The following SLC2A5 variants were observed in gnomAD, a reference collection of about 807,000 sequenced individuals.
SLC2A5 encodes solute carrier family 2 member 5, also known as solute carrier family 2, facilitated glucose transporter member 5.
SLC2A5 carries 56 observed loss-of-function variants against 50.3 expected under a neutral mutation model. The observed-to-expected ratio is 1.11, with a 90% CI of 0.90 to 1.39. SLC2A5 has a LOEUF of 1.39. Among genes scored for constraint, SLC2A5 ranks in the 40% most tolerant of loss-of-function variants. SLC2A5 has a pLI of 0.00. For missense variants in SLC2A5, 566 were observed against 650.1 expected (o/e 0.87, Z 1.41); for synonymous variants, 269 against 281.9 (o/e 0.95, Z 0.46).
At chr1:9,080,185 A>C (rs1642336987) in intron 2 of SLC2A5, among the ~76,000 whole-genome samples, 1 of 152,202 alleles carries the variant, frequency 6.6e-6, no homozygotes, top group African/African-American at 2.4e-5. Flanking sequence ...TGCACACACC[A>C]CATCTGGTTT....
At chr1:9,089,771 G>A (rs1439186054), upstream of SLC2A5, among the ~76,000 whole-genome samples, 1 of 152,156 alleles carries the variant, frequency 6.6e-6, no homozygotes, top group African/African-American at 2.4e-5. Flanking sequence ...CCCCCAATGG[G>A]AACACCTTCC....
chr1:9,057,311 A>T, intron 3 of SLC2A5, 137 bp downstream of exon 3: 3 of 471,230 alleles, frequency 6.4e-6, no homozygotes, highest in South Asian at 7.3e-5. Flanking sequence ...AAAAAAAAAA[A>T]AAAAGAAAGA....
At chr1:9,061,449 T>A (rs576338736) in intron 1 of SLC2A5, among the ~76,000 whole-genome samples, 4 of 147,596 alleles carry the variant, frequency 2.7e-5, no homozygotes, top group South Asian at 2.2e-4. Flanking sequence ...CCAAAAAAAT[T>A]TTAAAAATTA....
upstream of SLC2A5, among the ~76,000 whole-genome samples, chr1:9,074,423 C>G (rs150568973): frequency 4.4e-4 from 67 of 152,212 alleles, no homozygotes; most frequent in African/African-American, 1.4e-3. Flanking sequence ...TGGTAACCTA[C>G]ATGTTACAAG....
At chr1:9,051,197 GAGA>G (rs1307940787) in intron 3 of SLC2A5, among the ~76,000 whole-genome samples, 2 of 149,430 alleles carry the variant, frequency 1.3e-5, no homozygotes, top group African/African-American at 4.9e-5. Context: ...GAAAGAAAAA[GAGA>G]AGAAGGAAGG....
rs1180780056 is a variant in SLC2A5, at chr1:9,041,898, A to G, written c.458T>C (p.Leu153Pro). ...SNVVPMYLGE[L>P]APKNLRGALG... ...AGCCCCCCGCAGGTTTTTAGGGGCC[A>G]GCTCCCCTAAGTACATGGGGACCAC... The change falls in exon 5 of 12, where the codon CTG (leucine) becomes CCG (proline). Residue 153 changes from leucine (L) to proline (P), a missense_variant. By Grantham distance (98) the Leu-to-Pro change is moderately conservative. Coordinates refer to ENST00000377424, the MANE Select transcript of SLC2A5 (RefSeq NM_003039.3). 2 of 1,613,738 alleles carry G rather than the reference A, an allele frequency of 1.2e-6. No individual in the cohort carries two copies. The highest frequency in any genetic ancestry group is 2.2e-5 in the South Asian group (2 of 91,046).
At chr1:9,062,408 G>A (rs1167347901) in intron 1 of SLC2A5, among the ~76,000 whole-genome samples, 2 of 152,184 alleles carry the variant, frequency 1.3e-5, no homozygotes, top group Non-Finnish European at 2.9e-5. Context: ...GCGGAGCTCA[G>A]AACCTTTGAG....
rs1004168236 is a variant in SLC2A5, at chr1:9,037,146, G to T, written c.*440C>A. On this transcript the variant is annotated 3_prime_UTR_variant, in exon 12 of 12. Coordinates refer to ENST00000377424, the MANE Select transcript of SLC2A5 (RefSeq NM_003039.3). ...AGGATCTGGTAAGAGGATGAATTTG[G>T]CTCTAAACAAATGCCCATGGCCCCG... 8 of 194,124 alleles carry T rather than the reference G, an allele frequency of 4.1e-5. No homozygotes were observed. Among genetic ancestry groups the T allele is most frequent in the Admixed American group, 2.2e-4 (4 of 18,512 alleles). 12.0% of individuals were successfully genotyped at this position (194,124 alleles called of 1,614,324 possible).
chr1:9,059,582 T>A, intron 1 of SLC2A5, among the ~76,000 whole-genome samples: 1 of 130,640 alleles, frequency 7.7e-6, no homozygotes. Flanking sequence ...CTGGCTGGAG[T>A]GCTGTGGTGC....
At chr1:9,049,319 G>C in intron 3 of SLC2A5, 1 of 392,346 alleles carries the variant, frequency 2.5e-6, no homozygotes, top group Non-Finnish European at 5.1e-6. Flanking sequence ...AAAATGATTA[G>C]TGTCATAAAA....
In SLC2A5 at chr1:9,040,362, G is replaced by T; in HGVS notation, c.572-173C>A. ...GACGGTGGACACTCGGGAAACACCT[G>T]CAGCAGGGATCAGCAGCGACGCACC... On this transcript the variant is annotated intron_variant, in intron 5 of 11. Transcript: ENST00000377424. This position sits in a 1 kb window ranked among gnomAD's most constrained non-coding sequence, Gnocchi z 4.3. 1 of 760,462 alleles carries T rather than the reference G, an allele frequency of 1.3e-6. No individual in the cohort carries two copies. Among genetic ancestry groups the T allele is most frequent in the Non-Finnish European group, 2.1e-6 (1 of 484,706 alleles). The allele number at this position is 760,462 out of a possible 1,614,324, so 47.1% of individuals were successfully genotyped here.
chr1:9,083,424 C>T lies in SLC2A5; in HGVS notation c.-59+1590G>A, dbSNP rs529978005. Among the ~76,000 whole-genome samples the T allele has an allele frequency of 7.5e-4, 114 of 152,284 alleles. 1 individual carries two copies. Among genetic ancestry groups the T allele is most frequent in the African/African-American group, 2.7e-3 (113 of 41,542 alleles). ...GTTGAAATAGCTGCAGAAGTAGGGG[C>T]CCTGAAAAACAGGATGTGGGCCAAG... On this transcript the variant is annotated intron_variant, in intron 2 of 5. Coordinates refer to the SLC2A5 transcript ENST00000464985.
intron 4 of SLC2A5, among the ~76,000 whole-genome samples, chr1:9,045,606 G>A (rs1413081069): frequency 3.9e-5 from 6 of 152,036 alleles, no homozygotes; most frequent in Admixed American, 2.0e-4. Flanking sequence ...GGCAGAGACC[G>A]GCCGGGCATG....
chr1:9,050,310 T>A (rs1038212771), intron 3 of SLC2A5, among the ~76,000 whole-genome samples: 1 of 151,512 alleles, frequency 6.6e-6, no homozygotes, highest in Non-Finnish European at 1.5e-5. Flanking sequence ...AAAAATTTGC[T>A]GGGCACTATT....
intron 3 of SLC2A5, among the ~76,000 whole-genome samples, chr1:9,054,415 C>T (rs1641701371): frequency 6.6e-6 from 1 of 152,150 alleles, no homozygotes; most frequent in African/African-American, 2.4e-5. Context: ...AAATTCAGAG[C>T]AATGCCAGTC....
rs532916878 is a variant in SLC2A5 at position 9,058,029 on chromosome 1, G to A, written c.132+123C>T. The A allele has an allele frequency of 4.3e-6, 3 of 698,164 alleles. No individual in the cohort carries two copies. In the East Asian group the frequency reaches 8.2e-5, roughly 19 times the overall value. The allele number at this position is 698,164 out of a possible 1,614,324, so 43.2% of individuals were successfully genotyped here. A position where few individuals can be genotyped will look rare whatever the true frequency, so the allele number is the denominator to read the frequency against. ...CCTCGGGTCTGTGCTGTGTCCGGAG[G>A]GTGTTTCCCTCTCCCTTTGCTTCAG... On this transcript the variant is annotated intron_variant, in intron 2 of 11. Transcript: ENST00000377424.
chr1:9,060,699 CCA>C (rs1163458678), intron 1 of SLC2A5, among the ~76,000 whole-genome samples: 2 of 146,102 alleles, frequency 1.4e-5, no homozygotes, highest in Non-Finnish European at 3.0e-5. Context: ...ACAGCCCACC[CCA>C]CACACACACA....
chr1:9,066,795 T>C (rs1274543739), intron 1 of SLC2A5, among the ~76,000 whole-genome samples: 1 of 151,272 alleles, frequency 6.6e-6, no homozygotes, highest in African/African-American at 2.4e-5. Flanking sequence ...AGCCTGGGTA[T>C]AGTGAGACCC....
At chr1:9,053,272 A>T (rs540931701) in intron 3 of SLC2A5, among the ~76,000 whole-genome samples, 37 of 2,850 alleles carry the variant, frequency 0.013, 2 homozygotes, top group African/African-American at 0.031. Context: ...TATTTATATT[A>T]TATATTTATA....
Sources: gnomAD v4.1 joint callset for allele counts (sites outside exome capture counted in the v4.1 genomes callset) on GRCh38, gnomAD v4.1.1 for gene constraint, Gnocchi (gnomAD v3.1) non-coding constraint, MANE v1.5 for transcripts, NCBI Gene and HGNC (gene_info 2026-07-23, HGNC 2026-07-21) for gene names.